Variants in NCAM2 observed in about 807,000 individuals in gnomAD.
The protein encoded by NCAM2 is neural cell adhesion molecule 2, also known as N-CAM-2.
Under a neutral mutation model 98.1 loss-of-function variants are expected in NCAM2, and 30 were observed. That is an observed-to-expected ratio of 0.31 (90% confidence interval 0.23 to 0.41). NCAM2 has a LOEUF of 0.41. Ranked by LOEUF, NCAM2 falls within the 10% of genes least tolerant of loss-of-function variation. The pLI, the probability that NCAM2 is intolerant of heterozygous loss-of-function variation, is 1.00. For missense variants in NCAM2, 867 were observed against 1,005.8 expected, an observed-to-expected ratio of 0.86 and a Z score of 1.87; for synonymous variants, 368 against 342.4, an observed-to-expected ratio of 1.07 and a Z score of -0.83.
intron 11 of NCAM2, among the ~76,000 whole-genome samples, chr21:21,428,850 T>C (rs1003261756): frequency 2.0e-5 from 3 of 152,208 alleles, no homozygotes; most frequent in Non-Finnish European, 4.4e-5. Context: ...TAATTTTTCA[T>C]TACTGAAATA....
chr21:21,239,240 T>C (rs546768028), intron 1 of NCAM2: 1 of 152,250 alleles, frequency 6.6e-6, no homozygotes, highest in South Asian at 2.1e-4. Context: ...ATATTAAAAA[T>C]ATATATAAAA....
At chr21:21,174,738 A>C (rs976839517) in intron 1 of NCAM2, among the ~76,000 whole-genome samples, 1 of 152,168 alleles carries the variant, frequency 6.6e-6, no homozygotes, top group Non-Finnish European at 1.5e-5. Context: ...AGGAAATTAA[A>C]AAAAAATAAA....
intron 14 of NCAM2, among the ~76,000 whole-genome samples, chr21:21,471,605 T>C (rs942531683): frequency 2.6e-5 from 4 of 152,076 alleles, no homozygotes; most frequent in Admixed American, 1.3e-4. Context: ...TTTGGCCACA[T>C]CTTTCAACTC....
intron 1 of NCAM2, among the ~76,000 whole-genome samples, chr21:21,104,224 C>T (rs966565223): frequency 1.3e-5 from 2 of 152,094 alleles, no homozygotes; most frequent in African/African-American, 2.4e-5. Context: ...CCCTTCTCCT[C>T]CTCCTCACCG....
chr21:21,084,178 A>T (rs2065864690), intron 1 of NCAM2, among the ~76,000 whole-genome samples: 1 of 152,156 alleles, frequency 6.6e-6, no homozygotes, highest in South Asian at 2.1e-4. Flanking sequence ...TTTTCAAAAA[A>T]GAGTGCTCAT....
chr21:21,000,658 CTCTA>C (rs1439505693), intron 1 of NCAM2, among the ~76,000 whole-genome samples: 6 of 152,128 alleles, frequency 3.9e-5, no homozygotes, highest in South Asian at 2.1e-4. Context: ...GTAAAGATCT[CTCTA>C]TCTAGTACAA....
chr21:21,018,188 C>T (rs2064357146), intron 1 of NCAM2, among the ~76,000 whole-genome samples: 1 of 152,140 alleles, frequency 6.6e-6, no homozygotes, highest in Non-Finnish European at 1.5e-5. Flanking sequence ...CTCCTTGTTA[C>T]ACAAAACGAA....
At chr21:21,509,096 G>T (rs1569128578) in intron 16 of NCAM2, 41 bp downstream of exon 16, 2 of 1,602,580 alleles carry the variant, frequency 1.2e-6, no homozygotes, top group South Asian at 1.1e-5. Flanking sequence ...TTAAACAAGC[G>T]CCACAGTCAA....
chr21:21,479,054 G>T lies in NCAM2; in HGVS notation c.2077+1583G>T, dbSNP rs371715506. Among the ~76,000 whole-genome samples the T allele has an allele frequency of 3.3e-5, 5 of 152,202 alleles. No individual in the cohort carries two copies. In the East Asian group the frequency reaches 7.7e-4, roughly 24 times the overall value. Reference sequence around the variant, plus strand: ...ATACGTATTCCCATACTGAGCCAGAGCCTCCTCCAAAGGAAAATTGCAACA... The same window carrying T: ...ATACGTATTCCCATACTGAGCCAGATCCTCCTCCAAAGGAAAATTGCAACA... On this transcript the variant is annotated intron_variant, in intron 15 of 17. Coordinates refer to ENST00000400546, the MANE Select transcript of NCAM2 (RefSeq NM_004540.5).
intron 9 of NCAM2, among the ~76,000 whole-genome samples, chr21:21,380,518 G>A (rs771141142): frequency 1.5e-4 from 23 of 151,840 alleles, no homozygotes; most frequent in African/African-American, 4.1e-4. Flanking sequence ...TGTGTGGGTC[G>A]GGCTGTGTTC....
At chr21:21,083,324 A>G (rs1246907508) in intron 1 of NCAM2, among the ~76,000 whole-genome samples, 1 of 152,062 alleles carries the variant, frequency 6.6e-6, no homozygotes. Context: ...TTTCCATGTA[A>G]CAGGGGAGAA....
chr21:21,202,802 T>C (rs992219845), intron 1 of NCAM2, among the ~76,000 whole-genome samples: 3 of 147,076 alleles, frequency 2.0e-5, no homozygotes, highest in Non-Finnish European at 4.5e-5. Flanking sequence ...TCTCAAACTT[T>C]TAACTTGCAG....
chr21:21,297,781 A>G (rs2073545068), intron 5 of NCAM2, among the ~76,000 whole-genome samples: 1 of 151,842 alleles, frequency 6.6e-6, no homozygotes, highest in African/African-American at 2.4e-5. Context: ...TAACTTTTAA[A>G]CTTAAAATAC....
intron 16 of NCAM2, among the ~76,000 whole-genome samples, chr21:21,527,502 T>C (rs1989391937): frequency 6.6e-6 from 1 of 152,074 alleles, no homozygotes; most frequent in South Asian, 2.1e-4. Flanking sequence ...ATTCTTAAAC[T>C]CTATATAATA....
At chr21:21,166,110 T>C (rs552587889) in intron 1 of NCAM2, among the ~76,000 whole-genome samples, 21 of 152,356 alleles carry the variant, frequency 1.4e-4, no homozygotes, top group African/African-American at 4.6e-4. Context: ...TACATATTTG[T>C]ACAAAGAACA....
rs1568855457 is a variant in NCAM2 at position 21,265,039 on chromosome 21, G to GTGTCTGTGTATA, written c.56-15538_56-15537insGTCTGTGTATAT. The stretch of plus-strand genomic sequence containing the variant: ...ATTATATATGTGTCTGTGTATATAT[G>GTGTCTGTGTATA]TACACATATATACTATATATGTGTA... On this transcript the variant is annotated intron_variant, in intron 1 of 17. Transcript: ENST00000400546. 3.6e-4 allele frequency among the ~76,000 whole-genome samples: 16 copies of GTGTCTGTGTATA among 44,836 alleles called. No individual in the cohort carries two copies. The South Asian group carries it at 8.6e-3, about 24-fold the overall frequency. 29.4% of individuals were successfully genotyped at this position (44,836 alleles called of 152,430 possible).
chr21:21,234,258 G>A (rs2070735783), intron 1 of NCAM2, among the ~76,000 whole-genome samples: 1 of 151,506 alleles, frequency 6.6e-6, no homozygotes, highest in Non-Finnish European at 1.5e-5. Context: ...GAGTAAAATA[G>A]GAACCCTTCA....
intron 1 of NCAM2, among the ~76,000 whole-genome samples, chr21:21,199,519 T>C (rs1418610047): frequency 6.6e-6 from 1 of 152,060 alleles, no homozygotes; most frequent in Non-Finnish European, 1.5e-5. Flanking sequence ...CTGTCTAGGG[T>C]CTTCCTCCAA....
intron 8 of NCAM2, among the ~76,000 whole-genome samples, chr21:21,345,311 A>G (rs1200279735): frequency 1.3e-5 from 2 of 152,110 alleles, no homozygotes; most frequent in Non-Finnish European, 2.9e-5. Flanking sequence ...CTAGAGAAAT[A>G]GAAATATGTG....
Sources: gnomAD v4.1 joint callset for allele counts (sites outside exome capture counted in the v4.1 genomes callset) on GRCh38, gnomAD v4.1.1 for gene constraint, MANE v1.5 for transcripts, NCBI Gene and HGNC (gene_info 2026-07-23, HGNC 2026-07-21) for gene names.